NBPF12: variants seen among roughly 807,000 people sequenced by gnomAD.
NBPF12 encodes the protein NBPF member 12, also known as NBPF family member NBPF12.
NBPF12 carries 115 observed loss-of-function variants against 146.4 expected under a neutral mutation model. The observed-to-expected ratio is 0.79, with a 90% CI of 0.68 to 0.92. The LOEUF (loss-of-function observed/expected upper bound fraction) is 0.92, where lower values mean the gene tolerates loss of function less well. NBPF12 is among the 40% of genes least tolerant of loss of function. The probability of loss-of-function intolerance (pLI) is 0.00; values close to 1 mark genes in which losing one functional copy is unlikely to be tolerated. For missense variants in NBPF12, 1,205 were observed against 1,326.8 expected, an observed-to-expected ratio of 0.91 and a Z score of 1.43; for synonymous variants, 385 against 508.9, an observed-to-expected ratio of 0.76 and a Z score of 3.28.
intron 14 of NBPF12, among the ~76,000 whole-genome samples, chr1:146,973,237 G>T (rs1656770007): frequency 6.6e-6 from 1 of 151,060 alleles, no homozygotes; most frequent in Non-Finnish European, 1.5e-5. Context: ...TTCTCCAAGA[G>T]GCTCAATCGT....
intron 13 of NBPF12, among the ~76,000 whole-genome samples, chr1:146,971,975 C>T (rs1298592681): frequency 6.7e-6 from 1 of 148,970 alleles, no homozygotes; most frequent in Non-Finnish European, 1.5e-5. Flanking sequence ...GTAGTCTCAG[C>T]TACTTGGGAG....
rs1658273653 is a variant in NBPF12, at chr1:146,992,610, A to C, written c.3849-102A>C. ...ACCTCATTAATGGATCTATCCTTTTACTTTTTTTAACCACTTCCTTATGCT... is the reference window on the plus strand; with the variant it reads ...ACCTCATTAATGGATCTATCCTTTTCCTTTTTTTAACCACTTCCTTATGCT... On this transcript the variant is annotated intron_variant, in intron 31 of 33. Coordinates refer to ENST00000617844, the Ensembl canonical transcript of NBPF12. 4.1e-6 allele frequency: 3 copies of C among 725,534 alleles called. No homozygotes were observed. The East Asian group carries it at 8.0e-5, about 19-fold the overall frequency. The allele number at this position is 725,534 out of a possible 1,614,324, so 44.9% of individuals were successfully genotyped here. A position where few individuals can be genotyped will look rare whatever the true frequency, so the allele number is the denominator to read the frequency against.
At chr1:146,969,739 G>C in intron 11 of NBPF12, 143 bp downstream of exon 14, 2 of 1,502,662 alleles carry the variant, frequency 1.3e-6, no homozygotes, top group Non-Finnish European at 1.8e-6. Context: ...GGACTTCCTG[G>C]GTAAGAACGG....
exon 34 of NBPF12, chr1:146,995,646 T>G (rs1658496003): frequency 6.7e-6 from 1 of 150,134 alleles, no homozygotes; most frequent in Admixed American, 6.6e-5. Context: ...ATGATTAAAT[T>G]CAGCCTAAAC....
upstream of NBPF12, among the ~76,000 whole-genome samples, chr1:146,944,323 GA>G (rs1435902701): frequency 7.0e-6 from 1 of 142,716 alleles, no homozygotes; most frequent in Admixed American, 7.7e-5. Context: ...CAGGCATTGA[GA>G]GGGGGAGAAA....
At chr1:146,982,702 T>A (rs1210717291) in intron 19 of NBPF12, among the ~76,000 whole-genome samples, 1 of 150,734 alleles carries the variant, frequency 6.6e-6, no homozygotes, top group Admixed American at 6.6e-5. Context: ...AGTTGGCTCA[T>A]CTGTGGCAAA....
At chr1:146,994,128 G>GTCTCTCTC (rs1194794987) in intron 33 of NBPF12, among the ~76,000 whole-genome samples, 1 of 103,998 alleles carries the variant, frequency 9.6e-6, no homozygotes, top group Admixed American at 9.5e-5. Context: ...CTCTGTCTCT[G>GTCTCTCTC]TCTCTCTCTC....
At chr1:146,982,178 C>A (rs1439169947) in intron 19 of NBPF12, among the ~76,000 whole-genome samples, 2 of 136,680 alleles carry the variant, frequency 1.5e-5, no homozygotes, top group Admixed American at 7.3e-5. Context: ...GGTTTCTCCC[C>A]ACCTTTGTGG....
chr1:146,965,437 T>A (rs1194422217), intron 8 of NBPF12, among the ~76,000 whole-genome samples: 1 of 148,394 alleles, frequency 6.7e-6, no homozygotes, highest in Non-Finnish European at 1.5e-5. Context: ...CCTCCCACCC[T>A]CATTCACTTC....
intron 2 of NBPF12, among the ~76,000 whole-genome samples, chr1:146,954,232 A>T (rs1233559009): frequency 1.3e-5 from 2 of 148,268 alleles, no homozygotes; most frequent in South Asian, 2.2e-4. Context: ...TCTACTAAAA[A>T]TACAAAAAAT....
chr1:146,978,575 C>A (rs1420996613), intron 18 of NBPF12, among the ~76,000 whole-genome samples: 2 of 151,870 alleles, frequency 1.3e-5, no homozygotes, highest in African/African-American at 4.8e-5. Flanking sequence ...ATCTATCAGT[C>A]GTGTTTCATG....
chr1:146,974,097 A>G lies in NBPF12; in HGVS notation c.1802-642A>G, dbSNP rs1388543055. On this transcript the variant is annotated intron_variant, in intron 14 of 33. Coordinates refer to ENST00000617844, the Ensembl canonical transcript of NBPF12. Reference sequence around the variant, plus strand: ...CTATTTCTTGTCAATCTCCTAGAACATTTATTGGCACAGAGTAAACACTAT... The same window carrying G: ...CTATTTCTTGTCAATCTCCTAGAACGTTTATTGGCACAGAGTAAACACTAT... Among the ~76,000 whole-genome samples, 947 of 149,660 alleles carry G rather than the reference A, an allele frequency of 6.3e-3. 51 individuals are homozygous for G. The highest frequency in any genetic ancestry group is 0.055 in the Admixed American group (826 of 15,086).
intron 19 of NBPF12, among the ~76,000 whole-genome samples, chr1:146,982,001 C>T (rs1194730068): frequency 2.0e-5 from 3 of 148,172 alleles, no homozygotes; most frequent in Non-Finnish European, 4.4e-5. Context: ...GTTCGCACAT[C>T]CTCCTTTAGC....
chr1:146,939,867 C>T (rs1184810184), intron 1 of NBPF12, among the ~76,000 whole-genome samples: 14 of 151,748 alleles, frequency 9.2e-5, no homozygotes, highest in African/African-American at 3.2e-4. Flanking sequence ...CCTGTAGTCC[C>T]AGCTACTCGG....
chr1:146,939,914 C>T (rs1248130561), intron 1 of NBPF12, among the ~76,000 whole-genome samples: 4 of 150,206 alleles, frequency 2.7e-5, no homozygotes, highest in South Asian at 2.1e-4. Context: ...ACCTGGGAGG[C>T]GGAGGTTGCA....
At chr1:146,950,033 G>C (rs1655260215) in intron 1 of NBPF12, among the ~76,000 whole-genome samples, 1 of 152,010 alleles carries the variant, frequency 6.6e-6, no homozygotes, top group Admixed American at 6.6e-5. Context: ...TCACAGGAAT[G>C]GTGTCTCATC....
chr1:146,956,079 G>A lies in NBPF12; in HGVS notation c.-183-3780G>A, dbSNP rs1297280552. 5.9e-5 allele frequency among the ~76,000 whole-genome samples: 9 copies of A among 151,768 alleles called. No individual in the cohort carries two copies. In the South Asian group the frequency reaches 6.3e-4, roughly 11 times the overall value. ...GTGTTAGTGAGACCTGGCCTGCTAC[G>A]TATGGATGCTCATGATAGTTTCTTC... On this transcript the variant is annotated intron_variant, in intron 2 of 33. Transcript: ENST00000617844.
intron 9 of NBPF12, among the ~76,000 whole-genome samples, chr1:146,966,982 G>T (rs1293749597): frequency 1.3e-5 from 2 of 149,710 alleles, no homozygotes; most frequent in Admixed American, 6.6e-5. Flanking sequence ...TCCTCTCTGT[G>T]CCACATAAGA....
In NBPF12 at chr1:146,984,262, C is replaced by A. The variant is rs1396907978; in HGVS notation, c.2666+77C>A. ...CCAAGTCCAGGGAAAACAGTACACG[C>A]TGAAAATAATGATTTTGTCTTGTCA... On this transcript the variant is annotated intron_variant, in intron 21 of 33. Transcript: ENST00000617844. 4 of 829,100 alleles carry A rather than the reference C, an allele frequency of 4.8e-6. No individual in the cohort carries two copies. The African/African-American group carries it at 5.0e-5, about 10-fold the overall frequency. The allele number at this position is 829,100 out of a possible 1,614,324, so 51.4% of individuals were successfully genotyped here. A position where few individuals can be genotyped will look rare whatever the true frequency, so the allele number is the denominator to read the frequency against.
Sources: gnomAD v4.1 joint callset for allele counts (sites outside exome capture counted in the v4.1 genomes callset) on GRCh38, gnomAD v4.1.1 for gene constraint, MANE v1.5 for transcripts, NCBI Gene and HGNC (gene_info 2026-07-23, HGNC 2026-07-21) for gene names.